Variants in SLC44A5 observed in about 807,000 individuals in gnomAD.
The protein encoded by SLC44A5 is choline transporter-like protein 5.
In SLC44A5, 57 loss-of-function variants were observed where a neutral mutation model predicts 101.8. That is an observed-to-expected ratio of 0.56 (90% CI 0.45 to 0.70). The LOEUF (loss-of-function observed/expected upper bound fraction) is 0.70. Ranked by LOEUF, SLC44A5 falls within the 30% of genes least tolerant of loss-of-function variation. The pLI is 0.00. For missense variants in SLC44A5, 737 were observed against 853.1 expected (o/e 0.86, Z 1.70); for synonymous variants, 281 against 290.9 (o/e 0.97, Z 0.35).
At chr1:75,579,245 C>T (rs1190874832) in intron 1 of SLC44A5, among the ~76,000 whole-genome samples, 1 of 152,110 alleles carries the variant, frequency 6.6e-6, no homozygotes, top group Non-Finnish European at 1.5e-5. Flanking sequence ...AAAGGAAATG[C>T]CTTTGACTAA....
chr1:75,541,091 G>GA (rs768996281), intron 2 of SLC44A5, among the ~76,000 whole-genome samples: 1 of 152,202 alleles, frequency 6.6e-6, no homozygotes, highest in Non-Finnish European at 1.5e-5. Context: ...AACTCTGAGG[G>GA]AGAGGGGGCA....
the SLC44A5 span, among the ~76,000 whole-genome samples, chr1:75,632,564 C>T: frequency 4.0e-5 from 6 of 151,892 alleles, no homozygotes; most frequent in African/African-American, 1.2e-4. Context: ...ATTCTAGAAA[C>T]TGCACCTTTT....
At chr1:75,525,718 G>A (rs1198030026) in intron 2 of SLC44A5, among the ~76,000 whole-genome samples, 1 of 152,046 alleles carries the variant, frequency 6.6e-6, no homozygotes, top group African/African-American at 2.4e-5. Flanking sequence ...ATGTGTGTGG[G>A]TATAATATGA....
At chr1:75,723,129 C>A in the SLC44A5 span, among the ~76,000 whole-genome samples, 62 of 152,304 alleles carry the variant, frequency 4.1e-4, 1 homozygote, top group Middle Eastern at 3.4e-3. Flanking sequence ...CAGAGGTCCC[C>A]TTCCAGCCAA....
At chr1:75,655,576 C>T in the SLC44A5 span, among the ~76,000 whole-genome samples, 1 of 152,170 alleles carries the variant, frequency 6.6e-6, no homozygotes, top group African/African-American at 2.4e-5. Flanking sequence ...CAGCATGAAA[C>T]CAGCTTTGGC....
chr1:75,639,946 T>C, the SLC44A5 span, among the ~76,000 whole-genome samples: 2 of 152,060 alleles, frequency 1.3e-5, no homozygotes, highest in African/African-American at 4.8e-5. Flanking sequence ...TTTCCAACCA[T>C]TGAAAGAAAC....
chr1:75,280,636 G>T (rs1146452), intron 5 of SLC44A5, among the ~76,000 whole-genome samples: 1 of 150,208 alleles, frequency 6.7e-6, no homozygotes, highest in Admixed American at 6.8e-5. Context: ...TAATCCTCAC[G>T]TGTTGGAAGA....
chr1:75,308,823 C>A (rs1655094954), intron 4 of SLC44A5, among the ~76,000 whole-genome samples: 1 of 152,170 alleles, frequency 6.6e-6, no homozygotes, highest in South Asian at 2.1e-4. Flanking sequence ...TCCGGAAATT[C>A]TCATTCAGCT....
intron 2 of SLC44A5, among the ~76,000 whole-genome samples, chr1:75,506,718 A>G (rs1358763264): frequency 6.6e-6 from 1 of 151,962 alleles, no homozygotes. Context: ...GAAGTTGTTT[A>G]TCAGGTTTTT....
At chr1:75,561,130 G>C (rs1339802088) in intron 1 of SLC44A5, among the ~76,000 whole-genome samples, 1 of 152,110 alleles carries the variant, frequency 6.6e-6, no homozygotes, top group East Asian at 1.9e-4. Context: ...ACTTTTATCT[G>C]AAATCTTTTC....
chr1:75,204,226 T>C (rs1646711524), intron 23 of SLC44A5, among the ~76,000 whole-genome samples: 1 of 152,184 alleles, frequency 6.6e-6, no homozygotes, highest in Non-Finnish European at 1.5e-5. Context: ...AAAATAAAAA[T>C]TGTGAAATTT....
chr1:75,209,656 GAAAC>G (rs796880560), intron 23 of SLC44A5, among the ~76,000 whole-genome samples: 10 of 152,166 alleles, frequency 6.6e-5, no homozygotes, highest in Non-Finnish European at 7.4e-5. Flanking sequence ...AACAGGCTCA[GAAAC>G]AAACAAACAA....
intron 2 of SLC44A5, among the ~76,000 whole-genome samples, chr1:75,450,134 T>G (rs1286381197): frequency 6.6e-6 from 1 of 152,128 alleles, no homozygotes; most frequent in Non-Finnish European, 1.5e-5. Context: ...ACGAGCAAAC[T>G]TCCCCCGTGA....
chr1:75,396,579 T>A lies in SLC44A5; in HGVS notation c.52+4A>T, dbSNP rs1455488673. ...TAGCACTTAATACTCAGACTATGAC[T>A]TACCAAAGTCCTCTTCCTCAGAGGG... On this transcript the variant is annotated splice_donor_region_variant and intron_variant, in intron 3 of 23. Coordinates refer to ENST00000370859, the MANE Select transcript of SLC44A5 (RefSeq NM_001130058.2). The A allele has an allele frequency of 6.2e-7, 1 of 1,611,010 alleles. No homozygotes were observed. Among genetic ancestry groups the A allele is most frequent in the African/African-American group, 1.3e-5 (1 of 74,972 alleles).
intron 1 of SLC44A5, among the ~76,000 whole-genome samples, chr1:75,590,685 G>A (rs1322548225): frequency 6.6e-6 from 1 of 152,192 alleles, no homozygotes. Context: ...CATGGCCAGG[G>A]GTGGTGGTGG....
At chr1:75,650,519 T>G in the SLC44A5 span, among the ~76,000 whole-genome samples, 4,830 of 152,332 alleles carry the variant, frequency 0.032, 262 homozygotes, top group African/African-American at 0.11. Context: ...TTAGAAATGG[T>G]GTAGACTTCA....
chr1:75,310,048 TAAAAC>T (rs986678081), intron 4 of SLC44A5, among the ~76,000 whole-genome samples: 1 of 152,212 alleles, frequency 6.6e-6, no homozygotes, highest in African/African-American at 2.4e-5. Context: ...GGTTTTAAGA[TAAAAC>T]TAAATATTCC....
At chr1:75,476,166 G>A (rs879618927) in intron 2 of SLC44A5, among the ~76,000 whole-genome samples, 3 of 151,704 alleles carry the variant, frequency 2.0e-5, no homozygotes, top group African/African-American at 4.8e-5. Flanking sequence ...CTGGGAGACA[G>A]AAAGAGATTC....
At chr1:75,458,597 GA>G (rs1162397763) in intron 2 of SLC44A5, among the ~76,000 whole-genome samples, 1 of 151,872 alleles carries the variant, frequency 6.6e-6, no homozygotes, top group African/African-American at 2.4e-5. Context: ...ATAAACTTGA[GA>G]AAAAAATTAC....
Sources: allele counts gnomAD v4.1 joint callset (sites outside exome capture counted in the v4.1 genomes callset), GRCh38; gene constraint gnomAD v4.1.1; transcripts MANE v1.5; gene names NCBI Gene and HGNC (gene_info 2026-07-23, HGNC 2026-07-21).